Variants in WWP1 observed in about 807,000 individuals in gnomAD.
The protein encoded by WWP1 is NEDD4-like E3 ubiquitin-protein ligase WWP1.
Under a neutral mutation model 130.6 loss-of-function variants are expected in WWP1, and 49 were observed. The observed-to-expected ratio is 0.38, with a 90% CI of 0.30 to 0.48. The LOEUF (loss-of-function observed/expected upper bound fraction) is 0.48, where lower values mean the gene tolerates loss of function less well. WWP1 is among the 20% of genes least tolerant of loss of function. The pLI is 0.99. For synonymous variants in WWP1, 332 were observed against 367.8 expected (o/e 0.90, Z 1.11); for missense variants, 809 against 1,100.6 (o/e 0.74, Z 3.75).
intron 8 of WWP1, among the ~76,000 whole-genome samples, chr8:86,411,251 C>G (rs1808567177): frequency 6.6e-6 from 1 of 152,134 alleles, no homozygotes; most frequent in Admixed American, 6.5e-5. Flanking sequence ...GGAGGGAAAA[C>G]ACTGGTTATC....
chr8:86,379,168 C>T (rs1035477428), intron 3 of WWP1, among the ~76,000 whole-genome samples: 6 of 152,110 alleles, frequency 3.9e-5, no homozygotes, highest in African/African-American at 1.2e-4. Flanking sequence ...TGGGAAGTTT[C>T]TTGGGAGAGA....
chr8:86,359,879 C>G (rs1163169159), intron 1 of WWP1, among the ~76,000 whole-genome samples: 3 of 151,986 alleles, frequency 2.0e-5, no homozygotes, highest in Non-Finnish European at 4.4e-5. Flanking sequence ...GAAACCCCGT[C>G]TCTACTAAAA....
At chr8:86,344,390 A>G (rs912428456) in intron 1 of WWP1, among the ~76,000 whole-genome samples, 1 of 152,190 alleles carries the variant, frequency 6.6e-6, no homozygotes, top group South Asian at 2.1e-4. Flanking sequence ...AGAGATGGTA[A>G]TCTTTGCTGT....
At chr8:86,393,310 G>A (rs1257897353) in intron 5 of WWP1, among the ~76,000 whole-genome samples, 2 of 152,010 alleles carry the variant, frequency 1.3e-5, no homozygotes, top group Non-Finnish European at 2.9e-5. Flanking sequence ...GGGTTGAAGC[G>A]ATTCTCCTTG....
intron 2 of WWP1, among the ~76,000 whole-genome samples, chr8:86,373,274 A>G (rs1007420294): frequency 6.6e-6 from 1 of 151,706 alleles, no homozygotes; most frequent in Non-Finnish European, 1.5e-5. Context: ...TTTGTTTGTC[A>G]CTCATGTTTC....
At chr8:86,431,254 C>A (rs1279056785) in intron 12 of WWP1, 152 bp from the exon 13 acceptor site, 1 of 162,004 alleles carries the variant, frequency 6.2e-6, no homozygotes, top group African/African-American at 2.7e-5. Context: ...ATATTATATT[C>A]TATATAATAT....
intron 24 of WWP1, among the ~76,000 whole-genome samples, chr8:86,463,092 T>C (rs72690408): frequency 1.3e-5 from 2 of 152,150 alleles, no homozygotes; most frequent in African/African-American, 4.8e-5. Flanking sequence ...CTGAACTAGC[T>C]TGCTTTCTTT....
Position 86,402,224 on chromosome 8 carries a change from C to T in WWP1, c.724+21C>T, listed in dbSNP as rs2130509715. ...CACTGGTAAGCAAGGCTATTTATGACACCTTGTTTAAAGGAAAAGTAAATG... is the reference window on the plus strand; with the variant it reads ...CACTGGTAAGCAAGGCTATTTATGATACCTTGTTTAAAGGAAAAGTAAATG... On this transcript the variant is annotated intron_variant, in intron 8 of 24. Coordinates refer to ENST00000517970, the MANE Select transcript of WWP1 (RefSeq NM_007013.4). The T allele has an allele frequency of 1.9e-6, 3 of 1,606,672 alleles. 1 individual carries two copies. The highest frequency in any genetic ancestry group is 3.4e-5 in the Admixed American group (2 of 58,482).
rs562696499 is a variant in WWP1, at chr8:86,393,168, TTC to T, written c.335-5169_335-5168del. Among the ~76,000 whole-genome samples the T allele has an allele frequency of 1.5e-3, 222 of 152,218 alleles. 1 individual carries two copies. Among genetic ancestry groups the T allele is most frequent in the African/African-American group, 5.1e-3 (212 of 41,494 alleles). ...CTAATTCCTAAGAGCTCTTATTTTT[TTC>T]TCTCAGTTAATCATTAGCCTTTTTA... On this transcript the variant is annotated intron_variant, in intron 5 of 24. Transcript: ENST00000517970.
chr8:86,412,699 G>GTT (rs34916683), intron 9 of WWP1, among the ~76,000 whole-genome samples: 244 of 146,310 alleles, frequency 1.7e-3, no homozygotes, highest in African/African-American at 4.1e-3. Flanking sequence ...GTGTACGTTG[G>GTT]TTTTTTTTTT....
intron 9 of WWP1, among the ~76,000 whole-genome samples, chr8:86,424,054 G>A (rs1465690556): frequency 2.0e-5 from 3 of 147,670 alleles, no homozygotes; most frequent in Non-Finnish European, 3.0e-5. Context: ...CAGACGGGGC[G>A]GCTGCCGGGC....
rs763077452 is a variant in WWP1, at chr8:86,425,330, C to G, written c.1157+12C>G. The G allele has an allele frequency of 6.3e-7, 1 of 1,582,586 alleles. No homozygotes were observed. Among genetic ancestry groups the G allele is most frequent in the South Asian group, 1.1e-5 (1 of 87,458 alleles). On this transcript the variant is annotated intron_variant, in intron 10 of 24. Coordinates refer to ENST00000517970, the MANE Select transcript of WWP1 (RefSeq NM_007013.4). ...CCTTTACCTCCAGGGTAATATAGCA[C>G]TCTTTATGCATTTGTAATTATATTT...
intron 1 of WWP1, among the ~76,000 whole-genome samples, chr8:86,361,991 T>TATATATAC (rs1563465126): frequency 7.8e-6 from 1 of 128,184 alleles, no homozygotes; most frequent in Non-Finnish European, 1.7e-5. Context: ...TATATATATA[T>TATATATAC]ACATATATAT....
intron 1 of WWP1, among the ~76,000 whole-genome samples, chr8:86,344,999 G>T (rs566947022): frequency 1.3e-5 from 2 of 152,300 alleles, no homozygotes; most frequent in East Asian, 3.9e-4. Context: ...AGAAGGATTA[G>T]TGGGATAGAG....
At chr8:86,463,678 C>T (rs1811888030) in intron 24 of WWP1, among the ~76,000 whole-genome samples, 1 of 151,688 alleles carries the variant, frequency 6.6e-6, no homozygotes, top group African/African-American at 2.4e-5. Flanking sequence ...TTAGAAAATC[C>T]TTATAATTTG....
chr8:86,398,166 GA>G (rs1400929056), intron 5 of WWP1, among the ~76,000 whole-genome samples, 175 bp from the exon 6 acceptor site: 1 of 152,154 alleles, frequency 6.6e-6, no homozygotes, highest in Non-Finnish European at 1.5e-5. Flanking sequence ...AGGTGATATT[GA>G]AAGCGTGGGA....
chr8:86,461,498 T>C, intron 23 of WWP1, 178 bp downstream of exon 23: 2 of 643,176 alleles, frequency 3.1e-6, no homozygotes, highest in South Asian at 2.0e-5. Flanking sequence ...CAAAAATGAA[T>C]GTGTCCTCAT....
chr8:86,389,605 T>C (rs1038285402), intron 5 of WWP1, among the ~76,000 whole-genome samples: 1 of 152,218 alleles, frequency 6.6e-6, no homozygotes, highest in Non-Finnish European at 1.5e-5. Flanking sequence ...TTCCCCACAT[T>C]TCCCCCTTTT....
intron 20 of WWP1, among the ~76,000 whole-genome samples, chr8:86,451,214 TAAAAAAAAAAAAAA>T (rs61141803): frequency 0.25 from 10,819 of 43,252 alleles, 1,447 homozygotes; most frequent in East Asian, 0.47. Flanking sequence ...CCTATGTTAT[TAAAAAAAAAAAAAA>T]AAAAAAAAAA....
Sources: allele counts gnomAD v4.1 joint callset (sites outside exome capture counted in the v4.1 genomes callset), GRCh38; gene constraint gnomAD v4.1.1; transcripts MANE v1.5; gene names NCBI Gene and HGNC (gene_info 2026-07-23, HGNC 2026-07-21).